ST7: variants seen among roughly 807,000 people sequenced by gnomAD.
The protein encoded by ST7 is suppressor of tumorigenicity 7 protein.
ST7 carries 28 observed loss-of-function variants against 78.7 expected under a neutral mutation model. The ratio of observed to expected loss-of-function variants is 0.36; its 90% CI spans 0.26 to 0.49. The LOEUF is 0.49. ST7 is among the 20% of genes least tolerant of loss of function. The probability of loss-of-function intolerance (pLI) is 0.99; values close to 1 mark genes in which losing one functional copy is unlikely to be tolerated. For missense variants in ST7, 418 were observed against 696.0 expected (o/e 0.60, Z 4.49); for synonymous variants, 247 against 249.6 (o/e 0.99, Z 0.10).
chr7:116,999,354 A>G (rs548853107), intron 1 of ST7, among the ~76,000 whole-genome samples: 1 of 152,360 alleles, frequency 6.6e-6, no homozygotes, highest in East Asian at 1.9e-4. Flanking sequence ...GAACTTATAT[A>G]CTAAGCATCT....
chr7:117,011,666 G>A (rs1255334843), intron 1 of ST7, among the ~76,000 whole-genome samples: 3 of 152,164 alleles, frequency 2.0e-5, no homozygotes, highest in Non-Finnish European at 4.4e-5. Context: ...GGGATTCAGG[G>A]GTGCCAAATG....
chr7:117,208,902 G>GGTGTGTGTGTGTGTGT (rs58017025), intron 12 of ST7, among the ~76,000 whole-genome samples: 1 of 139,800 alleles, frequency 7.2e-6, no homozygotes, highest in Non-Finnish European at 1.6e-5. Context: ...TGTATGTGTG[G>GGTGTGTGTGTGTGTGT]GTGTGTGTGT....
At chr7:117,221,144 T>C (rs886135514) in intron 14 of ST7, among the ~76,000 whole-genome samples, 8 of 152,184 alleles carry the variant, frequency 5.3e-5, no homozygotes, top group Non-Finnish European at 1.2e-4. Flanking sequence ...AAGGAGGCGA[T>C]TCTCTTGACC....
intron 1 of ST7, among the ~76,000 whole-genome samples, chr7:116,968,183 T>A (rs1232840385): frequency 3.3e-5 from 5 of 152,012 alleles, no homozygotes; most frequent in Non-Finnish European, 5.9e-5. Flanking sequence ...AGGATTTAAA[T>A]TTTTTTTCTA....
intron 1 of ST7, among the ~76,000 whole-genome samples, chr7:116,981,936 A>G (rs1010146440): frequency 1.3e-5 from 2 of 152,218 alleles, no homozygotes; most frequent in African/African-American, 2.4e-5. Context: ...AATGGCTGCA[A>G]AATCATTAGG....
intron 1 of ST7, among the ~76,000 whole-genome samples, chr7:116,958,857 A>G (rs1041565481): frequency 1.3e-5 from 2 of 152,162 alleles, no homozygotes; most frequent in African/African-American, 4.8e-5. Flanking sequence ...TCAGGAAGTC[A>G]TAATCTTTTT....
intron 10 of ST7, among the ~76,000 whole-genome samples, chr7:117,174,528 A>G (rs1486316533): frequency 6.6e-6 from 1 of 152,210 alleles, no homozygotes; most frequent in Non-Finnish European, 1.5e-5. Context: ...GAACAACTTC[A>G]TTAAATATGA....
chr7:117,026,818 G>A (rs2116101181), intron 1 of ST7, among the ~76,000 whole-genome samples: 1 of 152,322 alleles, frequency 6.6e-6, no homozygotes, highest in South Asian at 2.1e-4. Context: ...GTCCAGCAGT[G>A]GAAAATACTG....
intron 1 of ST7, among the ~76,000 whole-genome samples, chr7:117,042,091 G>A (rs867498621): frequency 2.6e-5 from 4 of 152,102 alleles, no homozygotes; most frequent in South Asian, 2.1e-4. Flanking sequence ...ATACACATAC[G>A]TATTTTCTCC....
intron 2 of ST7, among the ~76,000 whole-genome samples, chr7:117,101,117 T>C (rs1801537189): frequency 6.6e-6 from 1 of 152,150 alleles, no homozygotes. Flanking sequence ...AGAGGGATGA[T>C]GGCAGTGTGG....
chr7:117,119,477 T>C, intron 2 of ST7, 84 bp from the exon 3 acceptor site: 2 of 1,292,064 alleles, frequency 1.5e-6, no homozygotes, highest in South Asian at 1.7e-5. Flanking sequence ...GTGGAATTAG[T>C]AAATGTAACA....
intron 9 of ST7, among the ~76,000 whole-genome samples, chr7:117,146,810 A>C (rs979618234): frequency 6.6e-6 from 1 of 152,170 alleles, no homozygotes; most frequent in Non-Finnish European, 1.5e-5. Flanking sequence ...TTTTGAGAGA[A>C]AATTACGAGT....
chr7:117,158,710 A>G (rs1247671629), intron 9 of ST7, among the ~76,000 whole-genome samples: 2 of 152,186 alleles, frequency 1.3e-5, no homozygotes, highest in Non-Finnish European at 2.9e-5. Flanking sequence ...ATCTGTATAA[A>G]TGGAACTCTC....
intron 10 of ST7, among the ~76,000 whole-genome samples, chr7:117,177,007 G>C (rs779869252): frequency 6.6e-5 from 10 of 152,194 alleles, no homozygotes; most frequent in Non-Finnish European, 1.2e-4. Context: ...TTGTGTAAAA[G>C]ATGGGCGAAT....
At chr7:117,143,950 C>A (rs1399174538) in intron 9 of ST7, among the ~76,000 whole-genome samples, 1 of 152,152 alleles carries the variant, frequency 6.6e-6, no homozygotes, top group Non-Finnish European at 1.5e-5. Flanking sequence ...GGTCTCAGAA[C>A]ACCTTTAAAA....
At chr7:117,092,591 T>TA (rs1196392081) in intron 1 of ST7, among the ~76,000 whole-genome samples, 6 of 152,176 alleles carry the variant, frequency 3.9e-5, no homozygotes, top group Non-Finnish European at 8.8e-5. Flanking sequence ...AGAGAGAAGT[T>TA]AGTAAGGTTG....
At chr7:117,114,314 C>A (rs1036812350) in intron 2 of ST7, among the ~76,000 whole-genome samples, 1 of 150,946 alleles carries the variant, frequency 6.6e-6, no homozygotes, top group Non-Finnish European at 1.5e-5. Flanking sequence ...ACTTTAGGAT[C>A]AAAAAAGAAA....
At chr7:117,161,159 G>T (rs1456234053) in intron 9 of ST7, among the ~76,000 whole-genome samples, 3 of 151,356 alleles carry the variant, frequency 2.0e-5, no homozygotes, top group Admixed American at 6.6e-5. Flanking sequence ...AACCCCTGAA[G>T]GGAAGAAATA....
intron 1 of ST7, among the ~76,000 whole-genome samples, chr7:117,047,815 T>C (rs977939097): frequency 2.0e-5 from 3 of 152,170 alleles, no homozygotes; most frequent in Admixed American, 2.0e-4. Flanking sequence ...AACAATGACT[T>C]CAGAAATCAG....
Sources: gnomAD v4.1 joint callset for allele counts (sites outside exome capture counted in the v4.1 genomes callset) on GRCh38, gnomAD v4.1.1 for gene constraint, MANE v1.5 for transcripts, NCBI Gene and HGNC (gene_info 2026-07-23, HGNC 2026-07-21) for gene names.